The following BET1 variants were observed in gnomAD, a reference collection of about 807,000 sequenced individuals.
The protein encoded by BET1 is Bet1 golgi vesicular membrane trafficking protein.
Under a neutral mutation model 13.9 loss-of-function variants are expected in BET1, and 9 were observed. The observed-to-expected ratio is 0.65, with a 90% CI of 0.39 to 1.13. The LOEUF (loss-of-function observed/expected upper bound fraction) is 1.13. Among genes scored for constraint, BET1 ranks in the 50% most tolerant of loss-of-function variants. BET1 has a pLI of 0.01. For missense variants in BET1, 127 were observed against 133.6 expected (o/e 0.95, Z 0.24); for synonymous variants, 39 against 47.3 (o/e 0.82, Z 0.72).
At position 93,994,053 on chromosome 7, in the gene BET1, A is replaced by G; in HGVS notation, c.*177T>C. The G allele has an allele frequency of 6.9e-7, 1 of 1,459,472 alleles. No homozygotes were observed. The highest frequency in any genetic ancestry group is 9.0e-7 in the Non-Finnish European group (1 of 1,114,864). 90.4% of individuals were successfully genotyped at this position (1,459,472 alleles called of 1,614,324 possible). ...GGGCTAAAATGAGTCATTAAGAAACAGTATTCAAAGACCACTGTATTAACT... is the reference window on the plus strand; with the variant it reads ...GGGCTAAAATGAGTCATTAAGAAACGGTATTCAAAGACCACTGTATTAACT... On this transcript the variant is annotated 3_prime_UTR_variant, in exon 4 of 4. Coordinates refer to ENST00000222547, the MANE Select transcript of BET1 (RefSeq NM_005868.6).
chr7:94,001,148 A>C (rs1186304389), intron 1 of BET1, among the ~76,000 whole-genome samples: 4 of 152,232 alleles, frequency 2.6e-5, no homozygotes, highest in Admixed American at 2.6e-4. Context: ...GATTTCTTAC[A>C]GCTCTGATTG....
rs200348685 is a variant in BET1, at chr7:94,002,836, C to CA, written c.19+1361_19+1362insT. Among the ~76,000 whole-genome samples, 396 of 152,296 alleles carry CA rather than the reference C, an allele frequency of 2.6e-3. 9 individuals are homozygous for CA. The highest frequency in any genetic ancestry group is 0.018 in the East Asian group (93 of 5,182). On this transcript the variant is annotated intron_variant, in intron 1 of 3. Coordinates refer to ENST00000222547, the MANE Select transcript of BET1 (RefSeq NM_005868.6). ...ATCTGGAACTCACTTCCCCCACTCTCCATTATTCAAGGTCTACTTCAAATT... is the reference window on the plus strand; with the variant it reads ...ATCTGGAACTCACTTCCCCCACTCTCACATTATTCAAGGTCTACTTCAAATT...
chr7:93,968,849 A>G (rs760852967), intron 6 of BET1, among the ~76,000 whole-genome samples: 8 of 151,808 alleles, frequency 5.3e-5, no homozygotes, highest in Non-Finnish European at 1.0e-4. Context: ...GGAGATGAGT[A>G]CAATATAGAC....
intron 4 of BET1, among the ~76,000 whole-genome samples, chr7:93,977,153 T>A (rs895178706): frequency 6.6e-6 from 1 of 152,116 alleles, no homozygotes; most frequent in Non-Finnish European, 1.5e-5. Context: ...TGTGCACAGA[T>A]CTTTCAGCAT....
rs1229137288 is a variant in BET1 at position 93,999,246 on chromosome 7, C to T, written c.68G>A (p.Ser23Asn). The change falls in exon 2 of 4, where the codon AGT (serine) becomes AAT (asparagine). Residue 23 changes from serine (S) to asparagine (N), a missense_variant. Coordinates refer to ENST00000222547, the MANE Select transcript of BET1 (RefSeq NM_005868.6). ...TTCTTCTTCACAGGCACTATACCCACTATTAGCATAGCCATAGTTCCCATA... is the reference window on the plus strand; with the variant it reads ...TTCTTCTTCACAGGCACTATACCCATTATTAGCATAGCCATAGTTCCCATA... ...GNYGNYGYAN[S>N]GYSACEEENE... The T allele has an allele frequency of 1.2e-6, 2 of 1,613,378 alleles. No homozygotes were observed. The highest frequency in any genetic ancestry group is 1.7e-6 in the Non-Finnish European group (2 of 1,179,576).
At chr7:93,988,865 C>G (rs963743132), downstream of BET1, among the ~76,000 whole-genome samples, 1 of 150,772 alleles carries the variant, frequency 6.6e-6, no homozygotes, top group African/African-American at 2.4e-5. Context: ...TATATTAAAA[C>G]TTATTCCACC....
At chr7:93,963,770 G>A (rs1156530470) in exon 7 of BET1, 4 of 151,856 alleles carry the variant, frequency 2.6e-5, no homozygotes, top group African/African-American at 4.8e-5. Context: ...GCTCTGTCAA[G>A]AATTAGACTT....
At chr7:93,963,261 T>C (rs1562797440) in exon 7 of BET1, 1 of 152,082 alleles carries the variant, frequency 6.6e-6, no homozygotes, top group African/African-American at 2.4e-5. Context: ...GAAAACTGCA[T>C]AGCCCCAAGA....
In BET1 at chr7:93,993,408, C is replaced by T. The variant is rs1290128732; in HGVS notation, c.*822G>A. On this transcript the variant is annotated 3_prime_UTR_variant, in exon 4 of 4. Coordinates refer to ENST00000222547, the MANE Select transcript of BET1 (RefSeq NM_005868.6). ...AATACACTGGATTAAAGCAATAATA[C>T]TCTTATCTTCAAGTTCAATGCCTGA... 4 of 982,922 alleles carry T rather than the reference C, an allele frequency of 4.1e-6. No individual in the cohort carries two copies. Among genetic ancestry groups the T allele is most frequent in the Non-Finnish European group, 4.8e-6 (4 of 827,354 alleles). 60.9% of individuals were successfully genotyped at this position (982,922 alleles called of 1,614,324 possible).
intron 4 of BET1, among the ~76,000 whole-genome samples, chr7:93,978,371 C>T (rs1795374465): frequency 6.6e-6 from 1 of 152,086 alleles, no homozygotes; most frequent in African/African-American, 2.4e-5. Flanking sequence ...GCCTGGCCTG[C>T]AATCTCATTT....
intron 5 of BET1, among the ~76,000 whole-genome samples, chr7:93,974,830 A>G (rs1273079759): frequency 6.6e-6 from 1 of 152,076 alleles, no homozygotes; most frequent in Non-Finnish European, 1.5e-5. Flanking sequence ...ATTAATTAAA[A>G]AAGAAATATA....
At chr7:93,978,362 C>A (rs1484568615) in intron 4 of BET1, among the ~76,000 whole-genome samples, 2 of 152,160 alleles carry the variant, frequency 1.3e-5, no homozygotes, top group Non-Finnish European at 2.9e-5. Context: ...AGCCACTGTG[C>A]CTGGCCTGCA....
chr7:93,997,025 G>T (rs1235834706), intron 2 of BET1, among the ~76,000 whole-genome samples: 1 of 151,806 alleles, frequency 6.6e-6, no homozygotes, highest in Admixed American at 6.6e-5. Context: ...ATAAATATTA[G>T]TGTTACTTAC....
chr7:93,985,534 A>G (rs28367041), intron 4 of BET1, among the ~76,000 whole-genome samples: 9,895 of 152,160 alleles, frequency 0.065, 1,033 homozygotes, highest in African/African-American at 0.22. Flanking sequence ...ATTCAAACTA[A>G]ACTATTCAAA....
intron 3 of BET1, among the ~76,000 whole-genome samples, chr7:93,994,896 T>G (rs1795728979): frequency 1.3e-5 from 2 of 152,200 alleles, no homozygotes; most frequent in African/African-American, 4.8e-5. Flanking sequence ...CAGGCTGGAG[T>G]GCAGTGGTGC....
chr7:93,982,597 C>T (rs899978561), intron 4 of BET1, among the ~76,000 whole-genome samples: 2 of 152,086 alleles, frequency 1.3e-5, no homozygotes, highest in African/African-American at 2.4e-5. Context: ...TGGAATTCTC[C>T]GTGTCTTTGT....
At position 93,996,102 on chromosome 7, in the gene BET1, A is replaced by T. The variant is rs952951587; in HGVS notation, c.201+163T>A. The T allele has an allele frequency of 3.9e-5, 23 of 585,424 alleles. No homozygotes were observed. In the African/African-American group the frequency reaches 4.5e-4, roughly 11 times the overall value. 36.3% of individuals were successfully genotyped at this position (585,424 alleles called of 1,614,324 possible). On this transcript the variant is annotated intron_variant, in intron 3 of 3. Coordinates refer to ENST00000222547, the MANE Select transcript of BET1 (RefSeq NM_005868.6). ...CGTAAGACGAGATGAAAAATGCAAA[A>T]GCATGGCAAAATAAACCTTATAGTT...
At position 94,004,210 on chromosome 7, in the gene BET1, G is replaced by A; in HGVS notation, c.7C>T (p.Arg3Cys). The A allele has an allele frequency of 6.2e-7, 1 of 1,614,044 alleles. No individual in the cohort carries two copies. ...GCCCTCTTCTTACCCAGGCCTGCAC[G>A]CCTCATCCTGCCAGAGGAGAGAGAG... MRRAGLGEGVPPG... is the reference protein window; with the variant it reads MRCAGLGEGVPPG... Residue 3 changes from arginine (R) to cysteine (C), a missense_variant, in exon 1 of 4, where the codon CGT becomes TGT. Physicochemically the swap from Arg to Cys is radical, Grantham distance 180 (BLOSUM62 -3). Coordinates refer to ENST00000222547, the MANE Select transcript of BET1 (RefSeq NM_005868.6).
chr7:93,976,555 A>G (rs1795340337), intron 4 of BET1, among the ~76,000 whole-genome samples: 1 of 152,182 alleles, frequency 6.6e-6, no homozygotes, highest in South Asian at 2.1e-4. Context: ...AGGTAAATAA[A>G]AAATGTAATT....
Sources: allele counts gnomAD v4.1 joint callset (sites outside exome capture counted in the v4.1 genomes callset), GRCh38; gene constraint gnomAD v4.1.1; transcripts MANE v1.5; gene names NCBI Gene and HGNC (gene_info 2026-07-23, HGNC 2026-07-21).